SEC14L1: variants seen among roughly 807,000 people sequenced by gnomAD.
The protein encoded by SEC14L1 is SEC14 like lipid binding 1, also known as SEC14-like protein 1.
In SEC14L1, 48 loss-of-function variants were observed where a neutral mutation model predicts 85.3. The observed-to-expected ratio is 0.56, with a 90% CI of 0.45 to 0.72. The LOEUF is 0.72. Ranked by LOEUF, SEC14L1 falls within the 30% of genes least tolerant of loss-of-function variation. The probability of loss-of-function intolerance (pLI) is 0.00; values close to 1 mark genes in which losing one functional copy is unlikely to be tolerated. For synonymous variants in SEC14L1, 391 were observed against 355.5 expected, an observed-to-expected ratio of 1.10 and a Z score of -1.12; for missense variants, 682 against 921.4, an observed-to-expected ratio of 0.74 and a Z score of 3.36.
chr17:77,158,798 C>CTTT (rs34186028), intron 3 of SEC14L1, among the ~76,000 whole-genome samples: 1,551 of 39,232 alleles, frequency 0.04, 499 homozygotes, highest in Middle Eastern at 0.058. Flanking sequence ...GCTTTCTTTC[C>CTTT]TTTTTTTTTT....
At chr17:77,105,362 C>T (rs1026446189) in intron 3 of SEC14L1, among the ~76,000 whole-genome samples, 30 of 85,948 alleles carry the variant, frequency 3.5e-4, no homozygotes, top group African/African-American at 1.1e-3. Context: ...GTGACATGCT[C>T]CTCGCTGACC....
intron 3 of SEC14L1, among the ~76,000 whole-genome samples, chr17:77,104,274 C>T (rs1971852108): frequency 1.3e-5 from 2 of 150,822 alleles, no homozygotes; most frequent in Admixed American, 1.3e-4. Context: ...CAGGTGCCTG[C>T]CACCACGCCC....
intron 3 of SEC14L1, among the ~76,000 whole-genome samples, chr17:77,159,338 G>A (rs4503825): frequency 0.07 from 10,206 of 145,254 alleles, 478 homozygotes; most frequent in South Asian, 0.16. Flanking sequence ...AAGTGCTGGG[G>A]TTACAGGCAT....
At chr17:77,204,528 T>A (rs1311810479) in intron 10 of SEC14L1, among the ~76,000 whole-genome samples, 10 of 142,158 alleles carry the variant, frequency 7.0e-5, no homozygotes, top group African/African-American at 2.4e-4. Flanking sequence ...CCAGCTTTTT[T>A]TTTTTTTTTT....
In SEC14L1 at chr17:77,123,135, C is replaced by T. The variant is rs903411039; in HGVS notation, c.-135-19511C>T. On this transcript the variant is annotated intron_variant, in intron 3 of 19. Coordinates refer to the SEC14L1 transcript ENST00000392476. ...CACGATCTCGGCTCACTGAAACCTC[C>T]GCCTCCCTGCTTCAAGCGATCCTTC... 5.3e-5 allele frequency among the ~76,000 whole-genome samples: 8 copies of T among 151,754 alleles called. 1 individual carries two copies. Among genetic ancestry groups the T allele is most frequent in the African/African-American group, 9.7e-5 (4 of 41,298 alleles).
chr17:77,090,997 C>T (rs999513744), intron 2 of SEC14L1, among the ~76,000 whole-genome samples: 1 of 151,636 alleles, frequency 6.6e-6, no homozygotes, highest in Non-Finnish European at 1.5e-5. Context: ...ATAGGGAAGG[C>T]CAGGCCATAC....
Position 77,213,717 on chromosome 17 carries a change from C to G in SEC14L1, c.2043-201C>G, listed in dbSNP as rs984126445. On this transcript the variant is annotated intron_variant, in intron 16 of 16. Transcript: ENST00000436233. The surrounding 1 kb of genome is among the most constrained non-coding windows in gnomAD (Gnocchi z 7.1). ...AGCCGACTGACTGCCTTTGCTTTAGCTCACACTGCCGTCTGCGTGCAGGCT... is the reference window on the plus strand; with the variant it reads ...AGCCGACTGACTGCCTTTGCTTTAGGTCACACTGCCGTCTGCGTGCAGGCT... 3.5e-6 allele frequency: 3 copies of G among 858,352 alleles called. No individual in the cohort carries two copies. The East Asian group carries it at 7.9e-5, about 23-fold the overall frequency. The allele number at this position is 858,352 out of a possible 1,614,324, so 53.2% of individuals were successfully genotyped here.
At chr17:77,195,421 T>C (rs561894503) in intron 7 of SEC14L1, among the ~76,000 whole-genome samples, 1 of 152,044 alleles carries the variant, frequency 6.6e-6, no homozygotes, top group Non-Finnish European at 1.5e-5. Flanking sequence ...CGGGTTCAAG[T>C]GATTTTCCTG....
chr17:77,215,068 TGTGTGTGC>T lies in SEC14L1; in HGVS notation c.*1046_*1053del. 15 of 984,572 alleles carry T rather than the reference TGTGTGTGC, an allele frequency of 1.5e-5. No individual in the cohort carries two copies. Among genetic ancestry groups the T allele is most frequent in the Non-Finnish European group, 1.8e-5 (15 of 829,254 alleles). The allele number at this position is 984,572 out of a possible 1,614,324, so 61.0% of individuals were successfully genotyped here. The stretch of plus-strand genomic sequence containing the variant: ...TGGGAATTGTGGACTCATGCGTGTG[TGTGTGTGC>T]ATGTGCTGTGTGTGTGCATGTGTGC... On this transcript the variant is annotated 3_prime_UTR_variant, in exon 17 of 17. Coordinates refer to ENST00000436233, the MANE Select transcript of SEC14L1 (RefSeq NM_001143998.2).
At chr17:77,097,393 G>A (rs148509079) in intron 3 of SEC14L1, among the ~76,000 whole-genome samples, 3,195 of 151,952 alleles carry the variant, frequency 0.021, 69 homozygotes, top group Admixed American at 0.053. Context: ...GTGAAACCCC[G>A]TCTCTATTAA....
intron 3 of SEC14L1, among the ~76,000 whole-genome samples, chr17:77,135,925 T>C (rs1972782556): frequency 6.6e-6 from 1 of 151,864 alleles, no homozygotes; most frequent in African/African-American, 2.4e-5. Flanking sequence ...CAGGCTGGAG[T>C]GCAGTGGCAC....
Position 77,216,747 on chromosome 17 carries a change from C to A in SEC14L1, c.*2724C>A. On this transcript the variant is annotated 3_prime_UTR_variant, in exon 17 of 17. Coordinates refer to ENST00000436233, the MANE Select transcript of SEC14L1 (RefSeq NM_001143998.2). ...AGTGCATCTTGAAGAGCTCAAAGCA[C>A]ATGACCGCACAAATGCTTACAGGGT... is the stretch of plus-strand genomic sequence containing the variant. The A allele has an allele frequency of 9.7e-7, 1 of 1,031,016 alleles. No individual in the cohort carries two copies. Among genetic ancestry groups the A allele is most frequent in the Non-Finnish European group, 1.4e-6 (1 of 706,066 alleles). The allele number at this position is 1,031,016 out of a possible 1,614,324, so 63.9% of individuals were successfully genotyped here.
chr17:77,155,299 C>T (rs1000695359), intron 3 of SEC14L1, among the ~76,000 whole-genome samples: 1 of 152,146 alleles, frequency 6.6e-6, no homozygotes, highest in African/African-American at 2.4e-5. Flanking sequence ...AAAAAACACA[C>T]ACCCCAACAG....
At chr17:77,155,199 C>G (rs1973752169) in intron 3 of SEC14L1, among the ~76,000 whole-genome samples, 1 of 152,132 alleles carries the variant, frequency 6.6e-6, no homozygotes, top group Non-Finnish European at 1.5e-5. Context: ...CTTCCAAACT[C>G]CAAGCCAGGT....
intron 3 of SEC14L1, among the ~76,000 whole-genome samples, chr17:77,165,668 A>C (rs562469888): frequency 1.3e-5 from 2 of 151,758 alleles, no homozygotes; most frequent in East Asian, 1.9e-4. Context: ...AAGTATGATC[A>C]TTTTTTTTGC....
In SEC14L1 at chr17:77,176,776, G is replaced by A. The variant is rs143945507; in HGVS notation, c.64-14027G>A. 4.9e-3 allele frequency among the ~76,000 whole-genome samples: 739 copies of A among 152,138 alleles called. 6 individuals are homozygous for A. Among genetic ancestry groups the A allele is most frequent in the South Asian group, 0.015 (71 of 4,808 alleles). ...TAGTTGTTGTATTTTTAGTAGAGAC[G>A]GGGTGTCTCCATGTTGTTCAGAGTG... On this transcript the variant is annotated intron_variant, in intron 3 of 16. Coordinates refer to ENST00000436233, the MANE Select transcript of SEC14L1 (RefSeq NM_001143998.2).
intron 3 of SEC14L1, among the ~76,000 whole-genome samples, chr17:77,173,611 TATTA>T (rs1287895679): frequency 6.6e-6 from 1 of 152,218 alleles, no homozygotes; most frequent in Non-Finnish European, 1.5e-5. Flanking sequence ...TCACATACTC[TATTA>T]AAAGTTGACA....
chr17:77,105,269 G>A (rs528435464), intron 3 of SEC14L1, among the ~76,000 whole-genome samples: 1 of 152,094 alleles, frequency 6.6e-6, no homozygotes, highest in Admixed American at 6.6e-5. Flanking sequence ...CCAGGGCCAT[G>A]GTGACTGTCT....
At chr17:77,135,959 A>G (rs2440005) in intron 3 of SEC14L1, among the ~76,000 whole-genome samples, 150,222 of 152,022 alleles carry the variant, frequency 0.99, 74,254 homozygotes, top group East Asian at 1. Flanking sequence ...TGCAAGCTCC[A>G]TCTCCCGGGT....
Sources: allele counts gnomAD v4.1 joint callset (sites outside exome capture counted in the v4.1 genomes callset), GRCh38; gene constraint gnomAD v4.1.1; non-coding constraint Gnocchi (gnomAD v3.1); transcripts MANE v1.5; gene names NCBI Gene and HGNC (gene_info 2026-07-23, HGNC 2026-07-21).